The following CUBN variants were observed in gnomAD, a reference collection of about 807,000 sequenced individuals.
CUBN encodes cubilin, also known as 460 kDa receptor.
A neutral mutation model predicts 405.3 loss-of-function variants in CUBN; 282 were observed. The observed-to-expected ratio is 0.70, with a 90% CI of 0.63 to 0.77. The LOEUF (loss-of-function observed/expected upper bound fraction) is 0.77. CUBN is among the 30% of genes least tolerant of loss of function. The pLI is 0.00. For synonymous variants in CUBN, 1,684 were observed against 1,617.0 expected (o/e 1.04, Z -0.99); for missense variants, 4,514 against 4,475.2 (o/e 1.01, Z -0.25).
At chr10:17,042,886 A>G (rs538189509) in intron 26 of CUBN, among the ~76,000 whole-genome samples, 23 of 152,300 alleles carry the variant, frequency 1.5e-4, no homozygotes, top group African/African-American at 5.5e-4. Flanking sequence ...AGATAATTAC[A>G]TAAAATTATG....
At chr10:16,889,637 G>A (rs1308629025) in intron 55 of CUBN, among the ~76,000 whole-genome samples, 1 of 151,970 alleles carries the variant, frequency 6.6e-6, no homozygotes, top group Non-Finnish European at 1.5e-5. Context: ...GGGCACGGTG[G>A]CTTATGCCAG....
intron 66 of CUBN, among the ~76,000 whole-genome samples, chr10:16,825,292 G>C (rs1259575300): frequency 6.6e-6 from 1 of 152,046 alleles, no homozygotes; most frequent in East Asian, 1.9e-4. Context: ...AGGGAAAATG[G>C]GGAAGGACTG....
chr10:16,842,545 A>G (rs79313458), intron 60 of CUBN, among the ~76,000 whole-genome samples: 5,226 of 152,000 alleles, frequency 0.034, 288 homozygotes, highest in African/African-American at 0.12. Flanking sequence ...AACTACTCCA[A>G]TCTACCTTCA....
chr10:17,027,696 C>G (rs1227091461), intron 27 of CUBN, among the ~76,000 whole-genome samples: 2 of 152,098 alleles, frequency 1.3e-5, no homozygotes, highest in African/African-American at 4.8e-5. Context: ...AACACCTGGC[C>G]TACTAAAAAT....
At position 16,906,178 on chromosome 10, in the gene CUBN, A is replaced by G. The variant is rs780807; in HGVS notation, c.7912+25T>C. On this transcript the variant is annotated intron_variant, in intron 50 of 66. Transcript: ENST00000377833. The stretch of plus-strand genomic sequence containing the variant: ...AAAAGAATATTGTAGATAAATGGGA[A>G]AACGCATTCTTAGATAGAACTCACC... The G allele has an allele frequency of 0.79, 1,188,266 of 1,502,188 alleles. 472,952 individuals are homozygous for G. Among genetic ancestry groups the G allele is most frequent in the Middle Eastern group, 0.88 (5,164 of 5,894 alleles). 93.1% of individuals were successfully genotyped at this position (1,502,188 alleles called of 1,614,324 possible). A position where few individuals can be genotyped will look rare whatever the true frequency, so the allele number is the denominator to read the frequency against.
intron 27 of CUBN, among the ~76,000 whole-genome samples, chr10:17,039,257 G>T (rs1834965275): frequency 1.3e-5 from 2 of 152,224 alleles, no homozygotes; most frequent in South Asian, 2.1e-4. Context: ...TTGTAGGATT[G>T]CACTGCGTGT....
chr10:16,990,334 C>G lies in CUBN; in HGVS notation c.4350G>C (p.Glu1450Asp). The change falls in exon 29 of 67, where the codon GAG becomes GAC. Residue 1450 changes from glutamate (E) to aspartate (D), a missense_variant and splice_region_variant. Physicochemically the swap from Glu to Asp is conservative, Grantham distance 45 (BLOSUM62 2). Around this residue, in one of 5 missense-constraint regions of CUBN, gnomAD observed 1,613 missense variants for 1,542.8 expected, o/e 1.05. Transcript: ENST00000377833. Reference protein sequence around the residue: ...YHSRCNFDVLEIYGGPDFHSP... With the variant: ...YHSRCNFDVLDIYGGPDFHSP... ...CTGAAAAAACCATCTCACTTCCTAC[C>G]TCCAAGACATCAAAGTTGCACCTTG... The G allele has an allele frequency of 6.2e-7, 1 of 1,614,190 alleles. No homozygotes were observed. Among genetic ancestry groups the G allele is most frequent in the South Asian group, 1.1e-5 (1 of 91,088 alleles).
At chr10:16,879,259 G>C (rs1489419341) in intron 56 of CUBN, among the ~76,000 whole-genome samples, 1 of 152,142 alleles carries the variant, frequency 6.6e-6, no homozygotes, top group Non-Finnish European at 1.5e-5. Context: ...TAGCCATTCT[G>C]GTGCATGCGA....
intron 14 of CUBN, among the ~76,000 whole-genome samples, chr10:17,098,134 A>G (rs1004496769): frequency 1.3e-5 from 2 of 152,200 alleles, no homozygotes; most frequent in Non-Finnish European, 2.9e-5. Flanking sequence ...ACATGTAGGC[A>G]CTCAGGTCCA....
At chr10:17,036,494 A>T (rs911001932) in intron 27 of CUBN, among the ~76,000 whole-genome samples, 1 of 152,074 alleles carries the variant, frequency 6.6e-6, no homozygotes, top group African/African-American at 2.4e-5. Flanking sequence ...GAGCCTTCTC[A>T]AAGTAACCAG....
chr10:16,920,012 G>A lies in CUBN; in HGVS notation c.6772C>T (p.Arg2258Cys), dbSNP rs774125861. Residue 2258 changes from arginine to cysteine, a missense_variant, in exon 44 of 67, where the codon CGC (arginine) becomes TGC (cysteine). Arg to Cys is a radical substitution (Grantham distance 180). Around this residue, in one of 5 missense-constraint regions of CUBN, gnomAD observed 1,613 missense variants for 1,542.8 expected, o/e 1.05. Transcript: ENST00000377833. ...IWILAAPPET[R>C]IQLQFEDRFD... ...CGATCTTCAAATTGCAGCTGTATGCGTGTTTCCGGTGGAGCCGCTAAGATC... is the reference window on the plus strand; with the variant it reads ...CGATCTTCAAATTGCAGCTGTATGCATGTTTCCGGTGGAGCCGCTAAGATC... 1.1e-5 allele frequency: 17 copies of A among 1,613,828 alleles called. No homozygotes were observed. Among genetic ancestry groups the A allele is most frequent in the South Asian group, 3.3e-5 (3 of 91,080 alleles).
chr10:16,954,093 C>A (rs1355151305), intron 32 of CUBN, among the ~76,000 whole-genome samples: 2 of 150,304 alleles, frequency 1.3e-5, no homozygotes, highest in African/African-American at 4.9e-5. Context: ...TAGTGTAAAG[C>A]CTTGGGTAGT....
chr10:16,864,722 C>T (rs1436254028), intron 59 of CUBN, among the ~76,000 whole-genome samples: 1 of 145,602 alleles, frequency 6.9e-6, no homozygotes, highest in East Asian at 2.0e-4. Context: ...ACAATCTTGG[C>T]TCACCACAAC....
At chr10:17,089,276 T>C (rs6602174) in intron 14 of CUBN, among the ~76,000 whole-genome samples, 80,794 of 152,010 alleles carry the variant, frequency 0.53, 22,223 homozygotes, top group East Asian at 0.7. Flanking sequence ...ATCTCAGTTC[T>C]TCAGAAAAAG....
chr10:16,986,993 CCA>C (rs1833445849), intron 29 of CUBN, among the ~76,000 whole-genome samples: 1 of 152,176 alleles, frequency 6.6e-6, no homozygotes, highest in South Asian at 2.1e-4. Context: ...ATAAACACTG[CCA>C]CTTTGGACAT....
At chr10:16,945,614 A>G (rs1313237692) in intron 36 of CUBN, among the ~76,000 whole-genome samples, 1 of 151,912 alleles carries the variant, frequency 6.6e-6, no homozygotes, top group Non-Finnish European at 1.5e-5. Flanking sequence ...CTAAAAATAT[A>G]AAAACTAGCC....
intron 57 of CUBN, 125 bp downstream of exon 57, chr10:16,876,772 A>C (rs1840515376): frequency 2.3e-6 from 2 of 872,958 alleles, no homozygotes; most frequent in Admixed American, 2.0e-5. Flanking sequence ...AACCTCACTG[A>C]CAATCTTTTT....
intron 19 of CUBN, 83 bp downstream of exon 19, chr10:17,071,343 T>A (rs1835734385): frequency 1.4e-6 from 2 of 1,415,078 alleles, no homozygotes; most frequent in Admixed American, 3.7e-5. Context: ...TTTCATTTCC[T>A]ATAACAGATT....
intron 31 of CUBN, among the ~76,000 whole-genome samples, chr10:16,976,591 A>C (rs1833104229): frequency 6.6e-6 from 1 of 151,704 alleles, no homozygotes; most frequent in Non-Finnish European, 1.5e-5. Flanking sequence ...GATGACTTCC[A>C]CCAGTTTTGG....
Sources: gnomAD v4.1 joint callset for allele counts (sites outside exome capture counted in the v4.1 genomes callset) on GRCh38, gnomAD v4.1.1 for gene constraint, gnomAD v4.1.1 regional missense constraint, MANE v1.5 for transcripts, NCBI Gene and HGNC (gene_info 2026-07-23, HGNC 2026-07-21) for gene names.